Variants in DLGAP2 observed in about 807,000 individuals in gnomAD.
DLGAP2 encodes disks large-associated protein 2.
DLGAP2 carries 26 observed loss-of-function variants against 100.3 expected under a neutral mutation model. The observed-to-expected ratio is 0.26, with a 90% CI of 0.19 to 0.36. DLGAP2 has a LOEUF of 0.36. DLGAP2 is among the 10% of genes least tolerant of loss of function. The pLI is 1.00. For synonymous variants in DLGAP2, 886 were observed against 630.1 expected, an observed-to-expected ratio of 1.41 and a Z score of -6.08; for missense variants, 1,858 against 1,453.2, an observed-to-expected ratio of 1.28 and a Z score of -4.53.
chr8:1,463,325 T>C (rs1437941159), intron 3 of DLGAP2, among the ~76,000 whole-genome samples: 1 of 152,206 alleles, frequency 6.6e-6, no homozygotes, highest in Non-Finnish European at 1.5e-5. Flanking sequence ...TTTTGGTTAT[T>C]GATGAAATAG....
chr8:856,187 T>TCTTCTTCTTCTTC (rs1554433991), intron 1 of DLGAP2, among the ~76,000 whole-genome samples: 35 of 51,570 alleles, frequency 6.8e-4, no homozygotes, highest in South Asian at 5.4e-3. Context: ...TTCTTCTTCT[T>TCTTCTTCTTCTTC]TTTTTTTTTT....
chr8:1,259,710 G>C (rs528943785), intron 3 of DLGAP2: 36 of 152,290 alleles, frequency 2.4e-4, no homozygotes, highest in African/African-American at 7.5e-4. Context: ...GACTCTAAAA[G>C]CCGAATACTA....
At chr8:1,267,464 G>A (rs991146525) in intron 3 of DLGAP2, among the ~76,000 whole-genome samples, 79 of 149,188 alleles carry the variant, frequency 5.3e-4, no homozygotes, top group African/African-American at 1.8e-3. Context: ...TAATTGGGAG[G>A]CTGAGAATCG....
At chr8:1,634,813 A>G (rs1797730174) in intron 8 of DLGAP2, among the ~76,000 whole-genome samples, 1 of 152,248 alleles carries the variant, frequency 6.6e-6, no homozygotes, top group Non-Finnish European at 1.5e-5. Flanking sequence ...CAGATTTCAC[A>G]GAGATAAGAA....
chr8:1,334,332 C>T (rs181218047), intron 3 of DLGAP2, among the ~76,000 whole-genome samples: 1 of 152,216 alleles, frequency 6.6e-6, no homozygotes, highest in Non-Finnish European at 1.5e-5. Flanking sequence ...CCCAGCGTTC[C>T]TGGCGTCGGC....
intron 2 of DLGAP2, among the ~76,000 whole-genome samples, chr8:946,854 CCTGACGGTGG>C (rs1362628842): frequency 6.6e-6 from 1 of 152,202 alleles, no homozygotes; most frequent in Non-Finnish European, 1.5e-5. Context: ...CTCCCCCGTC[CCTGACGGTGG>C]CTGCCAGCAG....
chr8:1,420,034 T>A (rs539550225), intron 3 of DLGAP2, among the ~76,000 whole-genome samples: 9 of 152,296 alleles, frequency 5.9e-5, no homozygotes, highest in Admixed American at 4.6e-4. Flanking sequence ...ATGTAGACTT[T>A]GTTACATAAG....
chr8:1,282,587 A>G (rs1404590920), intron 3 of DLGAP2, among the ~76,000 whole-genome samples: 6 of 101,152 alleles, frequency 5.9e-5, no homozygotes, highest in South Asian at 3.8e-4. Context: ...CCATCTGGAC[A>G]TGGTGTGACC....
intron 3 of DLGAP2, among the ~76,000 whole-genome samples, chr8:1,448,223 T>C (rs1798035937): frequency 6.6e-6 from 1 of 152,208 alleles, no homozygotes; most frequent in South Asian, 2.1e-4. Context: ...TGTGGGCATT[T>C]AGTGCGGTAA....
intron 2 of DLGAP2, among the ~76,000 whole-genome samples, chr8:1,055,029 G>T (rs971241976): frequency 1.3e-5 from 2 of 152,148 alleles, no homozygotes; most frequent in African/African-American, 4.8e-5. Context: ...GAGGCCACAT[G>T]GTCAGAAAAC....
chr8:1,205,124 T>C (rs1314166293), intron 2 of DLGAP2, among the ~76,000 whole-genome samples: 4 of 152,372 alleles, frequency 2.6e-5, no homozygotes, highest in Admixed American at 6.5e-5. Flanking sequence ...TGGGAATTTC[T>C]GCATCTCACG....
intron 2 of DLGAP2, among the ~76,000 whole-genome samples, chr8:1,009,466 G>A (rs1801214029): frequency 6.6e-6 from 1 of 152,078 alleles, no homozygotes; most frequent in Non-Finnish European, 1.5e-5. Context: ...ACAGACTTTT[G>A]GTATTGCTTC....
chr8:931,681 G>A (rs374825332), intron 2 of DLGAP2, among the ~76,000 whole-genome samples: 5 of 152,282 alleles, frequency 3.3e-5, no homozygotes, highest in South Asian at 4.1e-4. Flanking sequence ...CCTTCCCGTC[G>A]TCCTGGTGGC....
chr8:1,037,007 G>A lies in DLGAP2; in HGVS notation c.73+129041G>A, dbSNP rs534218326. Among the ~76,000 whole-genome samples, 133 of 152,228 alleles carry A rather than the reference G, an allele frequency of 8.7e-4. 1 individual carries two copies. Among genetic ancestry groups the A allele is most frequent in the African/African-American group, 3.1e-3 (128 of 41,554 alleles). The stretch of plus-strand genomic sequence containing the variant: ...CGTGGAGCCTCCTGAGCCAGTGACT[G>A]GGGAATGCACTGGACGCTTGCTGTT... On this transcript the variant is annotated intron_variant, in intron 2 of 14. Transcript: ENST00000637795.
intron 13 of DLGAP2, among the ~76,000 whole-genome samples, chr8:1,691,830 G>C (rs1447173244): frequency 6.6e-6 from 1 of 150,594 alleles, no homozygotes; most frequent in African/African-American, 2.5e-5. Flanking sequence ...CAGGGAGGCG[G>C]ATACGGCCCT....
At chr8:980,125 T>G (rs893026189) in intron 2 of DLGAP2, among the ~76,000 whole-genome samples, 2 of 151,768 alleles carry the variant, frequency 1.3e-5, no homozygotes. Flanking sequence ...ATTCCGGGAG[T>G]CAGGAGTGAC....
chr8:1,427,174 CATTAA>C (rs1183391776), intron 3 of DLGAP2, among the ~76,000 whole-genome samples: 1 of 152,084 alleles, frequency 6.6e-6, no homozygotes, highest in Non-Finnish European at 1.5e-5. Context: ...TTACAACTAG[CATTAA>C]ATTTCATAAA....
chr8:1,382,399 C>G (rs1796117621), intron 3 of DLGAP2, among the ~76,000 whole-genome samples: 1 of 152,140 alleles, frequency 6.6e-6, no homozygotes. Flanking sequence ...CAGTTCCAAC[C>G]AATGTTGTTC....
Position 1,549,075 on chromosome 8 carries a change from C to T in DLGAP2, c.622C>T (p.His208Tyr), listed in dbSNP as rs1327334464. 6.3e-7 allele frequency: 1 copy of T among 1,588,050 alleles called. No homozygotes were observed. Among genetic ancestry groups the T allele is most frequent in the Non-Finnish European group, 8.5e-7 (1 of 1,170,928 alleles). The change falls in exon 5 of 15, where the codon CAC becomes TAC. Residue 208 changes from histidine (H) to tyrosine (Y), a missense_variant. Coordinates refer to ENST00000637795, the MANE Select transcript of DLGAP2 (RefSeq NM_001346810.2). ...GCTGCCGCTGCACCGGGACGGCTTC[C>T]ACACGCTGCAGTACCAGAGGACGTC... ...KQLPLHRDGF[H>Y]TLQYQRTSAA...
Sources: gnomAD v4.1 joint callset for allele counts (sites outside exome capture counted in the v4.1 genomes callset) on GRCh38, gnomAD v4.1.1 for gene constraint, MANE v1.5 for transcripts, NCBI Gene and HGNC (gene_info 2026-07-23, HGNC 2026-07-21) for gene names.